Variants in CSMD1 observed in about 807,000 individuals in gnomAD.
The protein encoded by CSMD1 is CUB and Sushi multiple domains 1.
CSMD1 carries 213 observed loss-of-function variants against 417.5 expected under a neutral mutation model. The ratio of observed to expected loss-of-function variants is 0.51; its 90% CI spans 0.46 to 0.57. The LOEUF (loss-of-function observed/expected upper bound fraction) is 0.57. CSMD1 is among the 20% of genes least tolerant of loss of function. The pLI, the probability that CSMD1 is intolerant of heterozygous loss-of-function variation, is 0.00. For missense variants in CSMD1, 6,923 were observed against 4,529.7 expected (o/e 1.53, Z -15.17); for synonymous variants, 2,862 against 1,736.8 (o/e 1.65, Z -16.11).
chr8:3,922,976 G>A (rs1809380519), intron 5 of CSMD1, among the ~76,000 whole-genome samples: 1 of 152,172 alleles, frequency 6.6e-6, no homozygotes, highest in South Asian at 2.1e-4. Context: ...ATCCAGGGCT[G>A]TTTCAGAGAA....
chr8:3,842,229 G>A (rs1191922102), intron 5 of CSMD1, among the ~76,000 whole-genome samples: 2 of 152,008 alleles, frequency 1.3e-5, no homozygotes, highest in Non-Finnish European at 2.9e-5. Context: ...AGAATCATCT[G>A]CTTGTCCATT....
At chr8:4,131,747 C>T (rs1018551539) in intron 3 of CSMD1, among the ~76,000 whole-genome samples, 2 of 135,602 alleles carry the variant, frequency 1.5e-5, no homozygotes, top group African/African-American at 5.3e-5. Context: ...AATTAGTATA[C>T]AAATGTGACT....
chr8:4,449,064 T>C lies in CSMD1; in HGVS notation c.303-28999A>G, dbSNP rs116718451. ...GAGTAAAAGGCCCACAGAAGGATGC[T>C]ATAAACCTCTTTCTAAGGAGATTGA... On this transcript the variant is annotated intron_variant, in intron 2 of 69. Transcript: ENST00000635120. Among the ~76,000 whole-genome samples, 198 of 152,362 alleles carry C rather than the reference T, an allele frequency of 1.3e-3. 1 individual carries two copies. The highest frequency in any genetic ancestry group is 4.4e-3 in the African/African-American group (181 of 41,582).
At chr8:4,535,749 T>C (rs1214793326) in intron 2 of CSMD1, among the ~76,000 whole-genome samples, 1 of 152,194 alleles carries the variant, frequency 6.6e-6, no homozygotes, top group East Asian at 1.9e-4. Context: ...GTAGTACTCA[T>C]TGTTAATAGG....
intron 2 of CSMD1, among the ~76,000 whole-genome samples, chr8:4,617,763 A>C (rs999322392): frequency 6.6e-6 from 1 of 152,016 alleles, no homozygotes; most frequent in Non-Finnish European, 1.5e-5. Flanking sequence ...GGCATTCCTC[A>C]TTATTAGAAA....
intron 5 of CSMD1, among the ~76,000 whole-genome samples, chr8:3,882,134 C>G (rs1806245237): frequency 6.6e-6 from 1 of 151,906 alleles, no homozygotes; most frequent in African/African-American, 2.4e-5. Flanking sequence ...AAAAAATCAT[C>G]ACAATTGGCT....
chr8:3,124,444 C>T (rs1048526234), intron 41 of CSMD1, among the ~76,000 whole-genome samples: 1 of 152,072 alleles, frequency 6.6e-6, no homozygotes. Flanking sequence ...GAAGAAATGA[C>T]GTTTAAATTA....
chr8:4,706,090 T>C (rs938550898), intron 1 of CSMD1, among the ~76,000 whole-genome samples: 5 of 150,502 alleles, frequency 3.3e-5, no homozygotes, highest in African/African-American at 1.2e-4. Flanking sequence ...TTTTAACATA[T>C]AATATATAAA....
At chr8:3,115,206 C>CT (rs1347524358) in intron 42 of CSMD1, among the ~76,000 whole-genome samples, 33 of 80,784 alleles carry the variant, frequency 4.1e-4, no homozygotes, top group East Asian at 2.2e-3. Context: ...CCCCCCCCCC[C>CT]TTTTTTTTTT....
chr8:4,302,635 CA>C (rs1798039437), intron 3 of CSMD1, among the ~76,000 whole-genome samples: 1 of 152,168 alleles, frequency 6.6e-6, no homozygotes, highest in African/African-American at 2.4e-5. Flanking sequence ...TTCTCTGACA[CA>C]AAGGTCAAAA....
chr8:3,616,986 G>GT (rs1259075021), intron 7 of CSMD1, among the ~76,000 whole-genome samples, 189 bp from the exon 8 acceptor site: 3 of 151,530 alleles, frequency 2.0e-5, no homozygotes, highest in Non-Finnish European at 4.4e-5. Flanking sequence ...TCAAACATGT[G>GT]TTTTCCAGTG....
At chr8:4,340,779 A>T (rs1585266209) in intron 3 of CSMD1, among the ~76,000 whole-genome samples, 1 of 152,204 alleles carries the variant, frequency 6.6e-6, no homozygotes, top group Non-Finnish European at 1.5e-5. Flanking sequence ...GCAAACTCAT[A>T]ATGGTTGCTT....
intron 3 of CSMD1, among the ~76,000 whole-genome samples, chr8:4,352,419 A>T (rs771119255): frequency 1.4e-4 from 21 of 152,260 alleles, no homozygotes; most frequent in Non-Finnish European, 2.6e-4. Context: ...ACCAGTATAA[A>T]TATTTCCTTT....
At chr8:3,589,476 A>G (rs1800751060) in intron 8 of CSMD1, among the ~76,000 whole-genome samples, 1 of 152,106 alleles carries the variant, frequency 6.6e-6, no homozygotes, top group South Asian at 2.1e-4. Flanking sequence ...GCCATTTGTG[A>G]CAACACAGTT....
chr8:3,741,673 T>C (rs1796810613), intron 6 of CSMD1, among the ~76,000 whole-genome samples: 1 of 152,234 alleles, frequency 6.6e-6, no homozygotes, highest in East Asian at 1.9e-4. Context: ...TCTAAACTTC[T>C]AACTGGGAAA....
intron 6 of CSMD1, among the ~76,000 whole-genome samples, chr8:3,730,874 G>C (rs1270692335): frequency 6.6e-6 from 1 of 152,152 alleles, no homozygotes; most frequent in East Asian, 1.9e-4. Flanking sequence ...AAGAGAGAGT[G>C]CTTTTAGCCA....
intron 1 of CSMD1, among the ~76,000 whole-genome samples, chr8:4,730,860 C>G (rs139135757): frequency 6.6e-6 from 1 of 152,190 alleles, no homozygotes; most frequent in South Asian, 2.1e-4. Flanking sequence ...AGAGCCGTAA[C>G]GAGAAATGTC....
chr8:4,466,737 T>G (rs1800193477), intron 2 of CSMD1, among the ~76,000 whole-genome samples: 1 of 152,046 alleles, frequency 6.6e-6, no homozygotes, highest in South Asian at 2.1e-4. Context: ...AAATACATAT[T>G]TCCAATAATA....
In CSMD1 at chr8:4,233,578, T is replaced by G. The variant is rs146961780; in HGVS notation, c.415+186375A>C. Among the ~76,000 whole-genome samples, 198 of 152,270 alleles carry G rather than the reference T, an allele frequency of 1.3e-3. 2 individuals carry two copies. The East Asian group carries it at 0.037, about 29-fold the overall frequency. ...GTCTGAGGACACAGGGAGAAGGCCC[T>G]GTCTATGAACCAGGAAATGATCCCC... On this transcript the variant is annotated intron_variant, in intron 3 of 69. Transcript: ENST00000635120.
Sources: allele counts gnomAD v4.1 joint callset (sites outside exome capture counted in the v4.1 genomes callset), GRCh38; gene constraint gnomAD v4.1.1; transcripts MANE v1.5; gene names NCBI Gene and HGNC (gene_info 2026-07-23, HGNC 2026-07-21).